The following NAALADL2 variants were observed in gnomAD, a reference collection of about 807,000 sequenced individuals.
The protein encoded by NAALADL2 is N-acetylated alpha-linked acidic dipeptidase like 2.
A neutral mutation model predicts 87.2 loss-of-function variants in NAALADL2; 76 were observed. The ratio of observed to expected loss-of-function variants is 0.87; its 90% CI spans 0.72 to 1.05. The LOEUF (loss-of-function observed/expected upper bound fraction) is 1.05. Among genes scored for constraint, NAALADL2 ranks in the 50% least tolerant of loss-of-function variants. The pLI, the probability that NAALADL2 is intolerant of heterozygous loss-of-function variation, is 0.00. For synonymous variants in NAALADL2, 354 were observed against 331.0 expected (o/e 1.07, Z -0.75); for missense variants, 1,089 against 945.8 (o/e 1.15, Z -1.99).
chr3:175,677,478 G>GGTGT (rs144329998), intron 11 of NAALADL2, among the ~76,000 whole-genome samples: 5,680 of 140,072 alleles, frequency 0.041, 170 homozygotes, highest in South Asian at 0.1. Flanking sequence ...AGTATAATGG[G>GGTGT]GTGTGTGTGT....
chr3:174,788,008 G>T (rs1321638844), intron 3 of NAALADL2, among the ~76,000 whole-genome samples: 1 of 151,984 alleles, frequency 6.6e-6, no homozygotes, highest in Admixed American at 6.6e-5. Flanking sequence ...TTAGACAATA[G>T]ATAGATGAGT....
At chr3:174,996,334 A>G (rs901904390) in intron 1 of NAALADL2, among the ~76,000 whole-genome samples, 2 of 141,152 alleles carry the variant, frequency 1.4e-5, no homozygotes, top group Non-Finnish European at 3.0e-5. Context: ...CGTCTCTGCT[A>G]AAAATAAAAA....
At chr3:175,058,657 G>C (rs1580233885) in intron 1 of NAALADL2, among the ~76,000 whole-genome samples, 1 of 152,138 alleles carries the variant, frequency 6.6e-6, no homozygotes, top group Non-Finnish European at 1.5e-5. Flanking sequence ...GACACTCTGT[G>C]TCTGTGGGAG....
chr3:175,274,332 G>A (rs1753276551), intron 4 of NAALADL2, among the ~76,000 whole-genome samples: 1 of 152,256 alleles, frequency 6.6e-6, no homozygotes, highest in Non-Finnish European at 1.5e-5. Flanking sequence ...GACACGTGGG[G>A]ATTATTACAA....
intron 11 of NAALADL2, among the ~76,000 whole-genome samples, chr3:175,652,946 C>A (rs183892161): frequency 9.3e-4 from 141 of 152,128 alleles, no homozygotes; most frequent in Non-Finnish European, 1.3e-3. Context: ...TAACTGGAAG[C>A]CTTACTGATA....
intron 1 of NAALADL2, among the ~76,000 whole-genome samples, chr3:174,455,208 A>G (rs1715754037): frequency 6.6e-6 from 1 of 152,176 alleles, no homozygotes; most frequent in Admixed American, 6.5e-5. Context: ...CAGACCAATA[A>G]CAAGCTCTGA....
chr3:175,762,234 A>T (rs930125611), intron 13 of NAALADL2, among the ~76,000 whole-genome samples: 5 of 105,984 alleles, frequency 4.7e-5, no homozygotes, highest in African/African-American at 1.8e-4. Context: ...TTGTTCCAGC[A>T]TTGTTTGTTA....
intron 2 of NAALADL2, among the ~76,000 whole-genome samples, chr3:175,190,870 C>T (rs567722321): frequency 4.3e-4 from 65 of 149,562 alleles, no homozygotes; most frequent in Non-Finnish European, 6.7e-4. Flanking sequence ...CCCAGCTACT[C>T]GGGAGGCTGA....
chr3:174,753,961 A>G (rs142456367), intron 3 of NAALADL2, among the ~76,000 whole-genome samples: 2 of 152,312 alleles, frequency 1.3e-5, no homozygotes, highest in South Asian at 2.1e-4. Context: ...GTGGCAGTCT[A>G]TAAACTAGGA....
In NAALADL2 at chr3:175,105,231, C is replaced by T. The variant is rs188817937; in HGVS notation, c.545+7940C>T. On this transcript the variant is annotated intron_variant, in intron 2 of 13. Coordinates refer to ENST00000454872, the MANE Select transcript of NAALADL2 (RefSeq NM_207015.3). ...ACTTCATTTCCTCCCATTTTGTTGG[C>T]ATGAATCACTTTCTGTTTCACAGTG... Among the ~76,000 whole-genome samples the T allele has an allele frequency of 2.1e-3, 326 of 152,132 alleles. 2 individuals are homozygous for T. The highest frequency in any genetic ancestry group is 7.3e-3 in the African/African-American group (303 of 41,540).
chr3:174,825,515 C>T (rs747367013), intron 3 of NAALADL2, among the ~76,000 whole-genome samples: 1 of 152,164 alleles, frequency 6.6e-6, no homozygotes, highest in Admixed American at 6.5e-5. Context: ...ATCTTCTTTA[C>T]TCAGTGTACT....
chr3:174,962,911 T>G (rs1485580798), intron 1 of NAALADL2, among the ~76,000 whole-genome samples: 2 of 152,156 alleles, frequency 1.3e-5, no homozygotes, highest in Non-Finnish European at 2.9e-5. Context: ...GCATATAACC[T>G]ACACATATCT....
At chr3:174,909,381 G>A (rs1733391040) in intron 1 of NAALADL2, among the ~76,000 whole-genome samples, 1 of 152,022 alleles carries the variant, frequency 6.6e-6, no homozygotes, top group East Asian at 1.9e-4. Flanking sequence ...GGCAACAAGA[G>A]CAAAATTCCA....
At chr3:175,053,244 TA>T (rs553777376) in intron 1 of NAALADL2, among the ~76,000 whole-genome samples, 3 of 152,318 alleles carry the variant, frequency 2.0e-5, no homozygotes, top group African/African-American at 7.2e-5. Context: ...ATATGCCCAA[TA>T]AGTATAATTG....
intron 4 of NAALADL2, among the ~76,000 whole-genome samples, chr3:175,314,697 T>G (rs1482660901): frequency 1.0e-4 from 7 of 69,406 alleles, no homozygotes; most frequent in African/African-American, 3.3e-4. Flanking sequence ...TATATATATA[T>G]ATATATATAT....
At chr3:174,814,254 G>C (rs1720541138) in intron 3 of NAALADL2, among the ~76,000 whole-genome samples, 1 of 151,920 alleles carries the variant, frequency 6.6e-6, no homozygotes, top group Non-Finnish European at 1.5e-5. Context: ...GACTACAGGT[G>C]CCTACCGCCA....
chr3:175,619,347 T>C (rs987648382), intron 10 of NAALADL2, among the ~76,000 whole-genome samples: 1 of 151,008 alleles, frequency 6.6e-6, no homozygotes, highest in Non-Finnish European at 1.5e-5. Flanking sequence ...AAAGAAAGAA[T>C]GAATCCCAGG....
chr3:174,800,923 T>C (rs1266723843), intron 3 of NAALADL2, among the ~76,000 whole-genome samples: 1 of 152,192 alleles, frequency 6.6e-6, no homozygotes, highest in Non-Finnish European at 1.5e-5. Flanking sequence ...AGCCCCTTTG[T>C]TTTGGCCAGT....
At chr3:175,125,735 C>T (rs1045976633) in intron 2 of NAALADL2, among the ~76,000 whole-genome samples, 1 of 152,024 alleles carries the variant, frequency 6.6e-6, no homozygotes, top group Non-Finnish European at 1.5e-5. Context: ...GCCTACTAGA[C>T]ATCCAAGAAC....
Sources: allele counts gnomAD v4.1 joint callset (sites outside exome capture counted in the v4.1 genomes callset), GRCh38; gene constraint gnomAD v4.1.1; transcripts MANE v1.5; gene names NCBI Gene and HGNC (gene_info 2026-07-23, HGNC 2026-07-21).